Variants in PRDM15 observed in about 807,000 individuals in gnomAD.
PRDM15 encodes PR/SET domain 15, also known as PR domain zinc finger protein 15.
In PRDM15, 64 loss-of-function variants were observed where a neutral mutation model predicts 128.6. That is an observed-to-expected ratio of 0.50 (90% CI 0.41 to 0.61). The LOEUF (loss-of-function observed/expected upper bound fraction) is 0.61, where lower values mean the gene tolerates loss of function less well. Ranked by LOEUF, PRDM15 falls within the 20% of genes least tolerant of loss-of-function variation. The probability of loss-of-function intolerance (pLI) is 0.00; values close to 1 mark genes in which losing one functional copy is unlikely to be tolerated. For synonymous variants in PRDM15, 615 were observed against 621.8 expected (o/e 0.99, Z 0.16); for missense variants, 1,242 against 1,569.1 (o/e 0.79, Z 3.52).
At chr21:41,815,396 CTA>C (rs1435456093) in intron 19 of PRDM15, among the ~76,000 whole-genome samples, 1 of 152,220 alleles carries the variant, frequency 6.6e-6, no homozygotes, top group Non-Finnish European at 1.5e-5. Context: ...TGTCTGGTCG[CTA>C]TTTCTTGTGC....
In PRDM15 at chr21:41,823,164, G is replaced by T. The variant is rs2062343945; in HGVS notation, c.1761+154C>A. ...AGCCTCGCCAGACACCGAATCTATG[G>T]GGGCTTTGGGGTCTAGCCTCCAGAA... On this transcript the variant is annotated intron_variant, in intron 14 of 23. Transcript: ENST00000398548. The T allele has an allele frequency of 4.1e-6, 4 of 975,802 alleles. No individual in the cohort carries two copies. The Admixed American group carries it at 6.0e-5, about 15-fold the overall frequency. The allele number at this position is 975,802 out of a possible 1,614,324, so 60.4% of individuals were successfully genotyped here.
rs74511901 is a variant in PRDM15 at position 41,812,888 on chromosome 21, C to T, written c.2393-2052G>A. 3.1e-3 allele frequency: 477 copies of T among 152,412 alleles called. 1 individual carries two copies. Among genetic ancestry groups the T allele is most frequent in the Non-Finnish European group, 4.6e-3 (316 of 68,128 alleles). 9.4% of individuals were successfully genotyped at this position (152,412 alleles called of 1,614,324 possible). A position where few individuals can be genotyped will look rare whatever the true frequency, so the allele number is the denominator to read the frequency against. On this transcript the variant is annotated intron_variant, in intron 19 of 23. Transcript: ENST00000398548. ...GACACCTTGCTCTGACGGCTGTCAG[C>T]GCCCCACCAGGCGGCACAGGACCCG... is the stretch of plus-strand genomic sequence containing the variant.
At position 41,847,080 on chromosome 21, in the gene PRDM15, T is replaced by C; in HGVS notation, c.640+10A>G. 1 of 1,526,168 alleles carries C rather than the reference T, an allele frequency of 6.6e-7. No homozygotes were observed. Among genetic ancestry groups the C allele is most frequent in the Non-Finnish European group, 8.9e-7 (1 of 1,124,568 alleles). The allele number at this position is 1,526,168 out of a possible 1,614,324, so 94.5% of individuals were successfully genotyped here. On this transcript the variant is annotated intron_variant, in intron 6 of 23. Transcript: ENST00000398548. The stretch of plus-strand genomic sequence containing the variant: ...TTTTACAACTGGGGCTCCCCACACG[T>C]CCTCCTTACCATTGAGGAGCTGCAG...
Position 41,801,568 on chromosome 21 carries a change from T to C in PRDM15, c.3098A>G (p.Gln1033Arg), listed in dbSNP as rs761840152. 6 of 1,614,152 alleles carry C rather than the reference T, an allele frequency of 3.7e-6. No individual in the cohort carries two copies. The highest frequency in any genetic ancestry group is 1.7e-4 in the Middle Eastern group (1 of 6,060). Residue 1033 changes from glutamine to arginine, a missense_variant, in exon 24 of 24, where the codon CAG (glutamine) becomes CGG (arginine). By Grantham distance (43) the Gln-to-Arg change is conservative. This residue lies in a region of PRDM15 where 602 missense variants were observed against 788.3 expected (regional missense o/e 0.76). Coordinates refer to ENST00000398548, the MANE Select transcript of PRDM15 (RefSeq NM_001040424.3). ...CAGGATTGAGTTGTCCAGCTGTAAC[T>C]GGCGTTCAGGGGTGGTAAGGTGCCC... ...AVGHLTTPER[Q>R]LQLDNSILTV...
At position 41,801,439 on chromosome 21, in the gene PRDM15, G is replaced by A. The variant is rs763090405; in HGVS notation, c.3227C>T (p.Ala1076Val). The A allele has an allele frequency of 6.2e-7, 1 of 1,614,240 alleles. No individual in the cohort carries two copies. Residue 1076 changes from alanine to valine, a missense_variant, in exon 24 of 24, where the codon GCC (alanine) becomes GTC (valine). Around this residue, in one of 3 missense-constraint regions of PRDM15, gnomAD observed 602 missense variants for 788.3 expected, o/e 0.76. Transcript: ENST00000398548. ...QPEASNPQSV[A>V]HFINLTTLVN... Reference sequence around the variant, plus strand: ...CAGGGTCGTCAGGTTGATGAAATGGGCCACAGACTGTGGGTTCGAGGCTTC... The same window carrying A: ...CAGGGTCGTCAGGTTGATGAAATGGACCACAGACTGTGGGTTCGAGGCTTC...
At chr21:41,834,090 G>A (rs748742016) in intron 11 of PRDM15, among the ~76,000 whole-genome samples, 3 of 152,296 alleles carry the variant, frequency 2.0e-5, no homozygotes, top group Middle Eastern at 6.8e-3. Context: ...AGGAGGTGCG[G>A]CACACTGGAA....
chr21:41,835,119 G>C (rs1416440558), intron 11 of PRDM15, among the ~76,000 whole-genome samples: 2 of 152,174 alleles, frequency 1.3e-5, no homozygotes, highest in East Asian at 1.9e-4. Context: ...GACGGCCCTA[G>C]AAAACATTGG....
In PRDM15 at chr21:41,821,100, T is replaced by C; in HGVS notation, c.2027A>G (p.His676Arg). The change falls in exon 16 of 24, where the codon CAC becomes CGC. Residue 676 changes from histidine to arginine, a missense_variant. His to Arg is a conservative substitution (Grantham distance 29, BLOSUM62 0). Coordinates refer to ENST00000398548, the MANE Select transcript of PRDM15 (RefSeq NM_001040424.3). The surrounding 1 kb of genome is among the most constrained non-coding windows in gnomAD (Gnocchi z 5.4). ...GTTGGGGTCCGGCAGGTTTTCACGG[T>C]GGATGACCATGTGGGCGTGGTAGGT... ...KATYHAHMVI[H>R]RENLPDPNVQ... The C allele has an allele frequency of 6.2e-7, 1 of 1,614,204 alleles. No homozygotes were observed. Among genetic ancestry groups the C allele is most frequent in the Non-Finnish European group, 8.5e-7 (1 of 1,180,016 alleles).
chr21:41,859,513 C>A lies in PRDM15; in HGVS notation c.131+79G>T, dbSNP rs1056815009. 5 of 1,156,630 alleles carry A rather than the reference C, an allele frequency of 4.3e-6. No homozygotes were observed. Among genetic ancestry groups the A allele is most frequent in the South Asian group, 1.4e-5 (1 of 73,956 alleles). 71.6% of individuals were successfully genotyped at this position (1,156,630 alleles called of 1,614,324 possible). ...GTTCTCCCTCAGGCTCCTTCCTCCCCGTCTGCAGACCCAAAGGCCACTAGG... is the reference window on the plus strand; with the variant it reads ...GTTCTCCCTCAGGCTCCTTCCTCCCAGTCTGCAGACCCAAAGGCCACTAGG... On this transcript the variant is annotated intron_variant, in intron 3 of 23. Transcript: ENST00000398548. This position sits in a 1 kb window ranked among gnomAD's most constrained non-coding sequence, Gnocchi z 5.3.
At chr21:41,812,636 G>A (rs774520576) in intron 19 of PRDM15, 1 of 152,182 alleles carries the variant, frequency 6.6e-6, no homozygotes, top group Non-Finnish European at 1.5e-5. Flanking sequence ...GATGATTCAG[G>A]ACATCCAAGA....
intron 1 of PRDM15, among the ~76,000 whole-genome samples, chr21:41,871,301 G>A (rs372791892): frequency 5.3e-5 from 8 of 152,020 alleles, no homozygotes; most frequent in East Asian, 3.9e-4. Flanking sequence ...TGCCCCAGGA[G>A]TGTTTGGGGG....
intron 5 of PRDM15, among the ~76,000 whole-genome samples, chr21:41,850,989 G>A (rs1320809460): frequency 6.6e-6 from 1 of 152,042 alleles, no homozygotes. Flanking sequence ...GGAAAGACTC[G>A]GCCACCACAA....
Position 41,859,915 on chromosome 21 carries a change from C to T in PRDM15, c.38-230G>A, listed in dbSNP as rs1196545609. On this transcript the variant is annotated intron_variant, in intron 2 of 23. Coordinates refer to ENST00000398548, the MANE Select transcript of PRDM15 (RefSeq NM_001040424.3). This position sits in a 1 kb window ranked among gnomAD's most constrained non-coding sequence, Gnocchi z 5.3. ...ACATGAGGAGTGCAAAGGCAGGACA[C>T]GCCCCCAGGGAAAGCTCTAGCTCCG... 1.3e-5 allele frequency among the ~76,000 whole-genome samples: 2 copies of T among 152,144 alleles called. No homozygotes were observed. The highest frequency in any genetic ancestry group is 2.4e-5 in the African/African-American group (1 of 41,442).
chr21:41,805,140 C>T (rs1480109895), intron 21 of PRDM15, among the ~76,000 whole-genome samples: 3 of 152,174 alleles, frequency 2.0e-5, no homozygotes, highest in Non-Finnish European at 4.4e-5. Context: ...ACGGGGTCCT[C>T]AGCACGCCCC....
rs1036434289 is a variant in PRDM15 at position 41,862,395 on chromosome 21, C to G, written c.-9-2023G>C. ...GAGGCCTTGTGTGGCCGCCTCTCCCCGGGGCAGACCTTGCCTCTGGCCTAC... is the reference window on the plus strand; with the variant it reads ...GAGGCCTTGTGTGGCCGCCTCTCCCGGGGGCAGACCTTGCCTCTGGCCTAC... On this transcript the variant is annotated intron_variant, in intron 1 of 23. Transcript: ENST00000398548. This position sits in a 1 kb window ranked among gnomAD's most constrained non-coding sequence, Gnocchi z 4.1. Among the ~76,000 whole-genome samples, 1 of 152,158 alleles carries G rather than the reference C, an allele frequency of 6.6e-6. No individual in the cohort carries two copies. Among genetic ancestry groups the G allele is most frequent in the Non-Finnish European group, 1.5e-5 (1 of 68,030 alleles).
intron 1 of PRDM15, among the ~76,000 whole-genome samples, chr21:41,868,202 T>G (rs187293798): frequency 6.6e-6 from 1 of 152,302 alleles, no homozygotes; most frequent in Non-Finnish European, 1.5e-5. Context: ...ATGATTCGAG[T>G]GCATTACCGT....
At position 41,798,743 on chromosome 21, in the gene PRDM15, C is replaced by T. The variant is rs2061354797; in HGVS notation, c.*2497G>A. On this transcript the variant is annotated 3_prime_UTR_variant, in exon 24 of 24. Coordinates refer to ENST00000398548, the MANE Select transcript of PRDM15 (RefSeq NM_001040424.3). The stretch of plus-strand genomic sequence containing the variant: ...CTTCCTTTATGAATACATCTGTGCA[C>T]CTGGGATCAGTTAAAAAACGAAATA... The T allele has an allele frequency of 6.6e-6, 1 of 152,190 alleles. No homozygotes were observed. The highest frequency in any genetic ancestry group is 1.5e-5 in the Non-Finnish European group (1 of 68,044). 9.4% of individuals were successfully genotyped at this position (152,190 alleles called of 1,614,324 possible).
At chr21:41,803,296 C>T (rs2061466450) in intron 22 of PRDM15, among the ~76,000 whole-genome samples, 1 of 152,202 alleles carries the variant, frequency 6.6e-6, no homozygotes, top group Non-Finnish European at 1.5e-5. Flanking sequence ...GCTCTCTCTT[C>T]CCCAGGGCTG....
intron 21 of PRDM15, among the ~76,000 whole-genome samples, chr21:41,808,671 A>G (rs1293646831): frequency 4.6e-5 from 7 of 152,374 alleles, no homozygotes; most frequent in African/African-American, 1.7e-4. Context: ...TCATTTATAT[A>G]AGTGAGTATT....
Sources: allele counts gnomAD v4.1 joint callset (sites outside exome capture counted in the v4.1 genomes callset), GRCh38; gene constraint gnomAD v4.1.1; regional missense constraint gnomAD v4.1.1; non-coding constraint Gnocchi (gnomAD v3.1); transcripts MANE v1.5; gene names NCBI Gene and HGNC (gene_info 2026-07-23, HGNC 2026-07-21).